The following PRAG1 variants were observed in gnomAD, a reference collection of about 807,000 sequenced individuals.
PRAG1 encodes the protein inactive tyrosine-protein kinase PRAG1.
In PRAG1, 110 loss-of-function variants were observed where a neutral mutation model predicts 95.6. The observed-to-expected ratio is 1.15, with a 90% CI of 0.99 to 1.35. The LOEUF is 1.35. PRAG1 is among the 40% of genes most tolerant of loss of function. The pLI is 0.00. For synonymous variants in PRAG1, 1,052 were observed against 819.4 expected (o/e 1.28, Z -4.85); for missense variants, 2,554 against 1,864.7 (o/e 1.37, Z -6.81).
Position 8,381,808 on chromosome 8 carries a change from T to C in PRAG1, c.-61A>G. The stretch of plus-strand genomic sequence containing the variant: ...GGCTCTCTGGTGCAGTTTTGTGGGA[T>C]TCAGAGGTGGGTCACAGAGCGGCTT... On this transcript the variant is annotated 5_prime_UTR_variant, in exon 2 of 6. Transcript: ENST00000615670. 1 of 1,405,912 alleles carries C rather than the reference T, an allele frequency of 7.1e-7. No individual in the cohort carries two copies. 87.1% of individuals were successfully genotyped at this position (1,405,912 alleles called of 1,614,324 possible).
chr8:8,378,760 T>G (rs1800526596), intron 2 of PRAG1, among the ~76,000 whole-genome samples: 1 of 151,678 alleles, frequency 6.6e-6, no homozygotes, highest in South Asian at 2.1e-4. Context: ...ACTTGGGAGG[T>G]TGAGGTGGAA....
chr8:8,379,841 C>T (rs1383878386), intron 2 of PRAG1, among the ~76,000 whole-genome samples: 1 of 152,230 alleles, frequency 6.6e-6, no homozygotes, highest in Non-Finnish European at 1.5e-5. Flanking sequence ...TAGGTTGTAA[C>T]TGTTTTTAGT....
chr8:8,367,805 C>A (rs1239368890), intron 3 of PRAG1, among the ~76,000 whole-genome samples: 1 of 152,114 alleles, frequency 6.6e-6, no homozygotes, highest in Non-Finnish European at 1.5e-5. Context: ...CCATGCCCAG[C>A]TAATTTTTTG....
At chr8:8,323,803 C>T (rs1297167640) in intron 5 of PRAG1, among the ~76,000 whole-genome samples, 4 of 152,116 alleles carry the variant, frequency 2.6e-5, no homozygotes, top group Non-Finnish European at 2.9e-5. Context: ...TTATTAGCAT[C>T]GTGAGAACTA....
chr8:8,340,661 G>C (rs756804448), intron 3 of PRAG1, among the ~76,000 whole-genome samples: 4 of 152,256 alleles, frequency 2.6e-5, no homozygotes, highest in Non-Finnish European at 5.9e-5. Flanking sequence ...TTTATTGGCT[G>C]TTCTTTGTGT....
intron 3 of PRAG1, among the ~76,000 whole-genome samples, chr8:8,373,480 T>C (rs1348022571): frequency 6.7e-6 from 1 of 149,620 alleles, no homozygotes; most frequent in Non-Finnish European, 1.5e-5. Context: ...GACAGGGTCT[T>C]GCTCTGTTGC....
intron 5 of PRAG1, among the ~76,000 whole-genome samples, chr8:8,326,252 T>A (rs1195453582): frequency 6.7e-6 from 1 of 148,288 alleles, no homozygotes; most frequent in South Asian, 2.1e-4. Context: ...TGAATATTAA[T>A]AGTAATAATA....
At chr8:8,365,086 C>G (rs1048423618) in intron 3 of PRAG1, among the ~76,000 whole-genome samples, 1 of 152,154 alleles carries the variant, frequency 6.6e-6, no homozygotes, top group Non-Finnish European at 1.5e-5. Context: ...TCTATTTTCT[C>G]CTAGGGAGAC....
intron 3 of PRAG1, among the ~76,000 whole-genome samples, chr8:8,354,437 G>A (rs1393323729): frequency 2.0e-5 from 3 of 151,686 alleles, no homozygotes; most frequent in South Asian, 2.1e-4. Context: ...TTTTTATGAG[G>A]CCAGCATCAC....
chr8:8,338,065 T>G (rs1012463217), intron 4 of PRAG1, among the ~76,000 whole-genome samples: 4 of 152,168 alleles, frequency 2.6e-5, no homozygotes, highest in Non-Finnish European at 5.9e-5. Flanking sequence ...ATTTCAGATC[T>G]GATCTCTAAG....
At chr8:8,359,554 C>T (rs1274327131) in intron 3 of PRAG1, among the ~76,000 whole-genome samples, 1 of 152,124 alleles carries the variant, frequency 6.6e-6, no homozygotes, top group Non-Finnish European at 1.5e-5. Flanking sequence ...CGTCTGATTA[C>T]TTGACTGGTA....
chr8:8,363,152 A>T (rs149498329), intron 3 of PRAG1, among the ~76,000 whole-genome samples: 538 of 150,642 alleles, frequency 3.6e-3, no homozygotes, highest in Middle Eastern at 6.9e-3. Context: ...TGACTATATA[A>T]GGTTTAACAA....
At position 8,317,975 on chromosome 8, in the gene PRAG1, T is replaced by A; in HGVS notation, c.*179A>T. On this transcript the variant is annotated 3_prime_UTR_variant, in exon 6 of 6. Transcript: ENST00000615670. ...AGACGAGTGTGGACGGGCAACAGCA[T>A]CCTTAGTCTTTCATATTTATATATG... 2.3e-6 allele frequency: 1 copy of A among 431,128 alleles called. No homozygotes were observed. The highest frequency in any genetic ancestry group is 3.8e-6 in the Non-Finnish European group (1 of 265,726). The allele number at this position is 431,128 out of a possible 1,614,324, so 26.7% of individuals were successfully genotyped here.
intron 1 of PRAG1, among the ~76,000 whole-genome samples, chr8:8,383,034 C>T (rs1024887220): frequency 3.9e-5 from 6 of 152,186 alleles, no homozygotes; most frequent in Admixed American, 3.3e-4. Context: ...TGAATAGGTT[C>T]TCATTAAATA....
intron 4 of PRAG1, among the ~76,000 whole-genome samples, chr8:8,331,138 C>A (rs1410096207): frequency 3.3e-5 from 5 of 152,196 alleles, no homozygotes; most frequent in African/African-American, 4.8e-5. Context: ...CCCTCAGAGA[C>A]AAGGACAACC....
rs377570909 is a variant in PRAG1 at position 8,376,782 on chromosome 8, C to A, written c.1627G>T (p.Ala543Ser). The A allele has an allele frequency of 2.5e-6, 4 of 1,610,700 alleles. No homozygotes were observed. The highest frequency in any genetic ancestry group is 3.4e-6 in the Non-Finnish European group (4 of 1,179,844). Residue 543 changes from alanine to serine, a missense_variant, in exon 3 of 6, where the codon GCC becomes TCC. Transcript: ENST00000615670. ...CTCTTGGACAACTTGGGGGGAATGG[C>A]GGGCCTCTCCTTGGGCTTGCTCTCG... ...ASESKPKERP[A>S]IPPKLSKSSP...
rs115456380 is a variant in PRAG1, at chr8:8,326,506, A to G, written c.3072+1204T>C. On this transcript the variant is annotated intron_variant, in intron 5 of 5. Transcript: ENST00000615670. ...GGGCCAGGGTCTCAATAGGTAATCA[A>G]GGAACAGCAAAAGAAGATGACAAAT... Among the ~76,000 whole-genome samples, 712 of 152,282 alleles carry G rather than the reference A, an allele frequency of 4.7e-3. 6 individuals are homozygous for G. Among genetic ancestry groups the G allele is most frequent in the African/African-American group, 0.017 (688 of 41,548 alleles).
chr8:8,322,023 C>T (rs933312146), intron 5 of PRAG1, among the ~76,000 whole-genome samples: 4 of 152,170 alleles, frequency 2.6e-5, no homozygotes, highest in East Asian at 1.9e-4. Flanking sequence ...GAGGAACTCA[C>T]GGGCAACAGC....
chr8:8,345,849 T>C (rs963904549), intron 3 of PRAG1, among the ~76,000 whole-genome samples: 1 of 152,178 alleles, frequency 6.6e-6, no homozygotes, highest in African/African-American at 2.4e-5. Context: ...ATGAACTGCA[T>C]TAAAAAGCAT....
Sources: gnomAD v4.1 joint callset for allele counts (sites outside exome capture counted in the v4.1 genomes callset) on GRCh38, gnomAD v4.1.1 for gene constraint, MANE v1.5 for transcripts, NCBI Gene and HGNC (gene_info 2026-07-23, HGNC 2026-07-21) for gene names.